The following NCALD variants were observed in gnomAD, a reference collection of about 807,000 sequenced individuals.
The protein encoded by NCALD is neurocalcin-delta.
Under a neutral mutation model 18.6 loss-of-function variants are expected in NCALD, and 10 were observed. That is an observed-to-expected ratio of 0.54 (90% confidence interval 0.33 to 0.91). NCALD has a LOEUF of 0.91. Ranked by LOEUF, NCALD falls within the 40% of genes least tolerant of loss-of-function variation. The pLI, the probability that NCALD is intolerant of heterozygous loss-of-function variation, is 0.03. For missense variants in NCALD, 184 were observed against 247.6 expected (o/e 0.74, Z 1.72); for synonymous variants, 88 against 87.4 (o/e 1.01, Z -0.04).
At chr8:101,742,540 A>C (rs766036360) in intron 1 of NCALD, among the ~76,000 whole-genome samples, 12 of 152,266 alleles carry the variant, frequency 7.9e-5, no homozygotes, top group Non-Finnish European at 1.6e-4. Context: ...ACATAGAAGC[A>C]CAGTAAAATA....
intron 3 of NCALD, among the ~76,000 whole-genome samples, chr8:101,898,370 C>G (rs1283555410): frequency 6.6e-6 from 1 of 152,082 alleles, no homozygotes; most frequent in African/African-American, 2.4e-5. Context: ...CCCATTCCCT[C>G]ATTGGATTTT....
intron 1 of NCALD, among the ~76,000 whole-genome samples, chr8:102,075,203 A>G (rs1050604017): frequency 2.0e-5 from 3 of 152,232 alleles, no homozygotes; most frequent in South Asian, 2.1e-4. Flanking sequence ...CAAGTAGACA[A>G]CTCACAGCAA....
At chr8:101,957,625 G>T (rs1391632330) in intron 2 of NCALD, among the ~76,000 whole-genome samples, 1 of 152,114 alleles carries the variant, frequency 6.6e-6, no homozygotes, top group Non-Finnish European at 1.5e-5. Context: ...GACACAAAGT[G>T]AACAGAGCAC....
At chr8:101,691,482 C>T in intron 3 of NCALD, 8 of 985,302 alleles carry the variant, frequency 8.1e-6, no homozygotes, top group Admixed American at 6.2e-5. Context: ...TGATCTTCTC[C>T]CATCCTTCAG....
chr8:101,933,076 T>C (rs513456), intron 2 of NCALD, among the ~76,000 whole-genome samples: 36,809 of 152,068 alleles, frequency 0.24, 5,686 homozygotes, highest in African/African-American at 0.44. Context: ...TTGCTAAAAG[T>C]AGTTTGCTTG....
chr8:101,718,684 C>G (rs994136200), intron 2 of NCALD, among the ~76,000 whole-genome samples: 5 of 152,236 alleles, frequency 3.3e-5, no homozygotes, highest in African/African-American at 9.6e-5. Flanking sequence ...CCCCAATCAT[C>G]TGAATGAACC....
intron 2 of NCALD, among the ~76,000 whole-genome samples, chr8:101,971,568 C>T (rs755367192): frequency 1.9e-4 from 29 of 152,068 alleles, no homozygotes; most frequent in Admixed American, 1.0e-3. Context: ...CATCTTCCAC[C>T]ATGACTGGAA....
chr8:101,872,458 T>C (rs1332273083), intron 4 of NCALD: 1 of 933,696 alleles, frequency 1.1e-6, no homozygotes, highest in East Asian at 2.4e-5. Context: ...TTCTGCCTTC[T>C]CTTCTGATTC....
intron 1 of NCALD, among the ~76,000 whole-genome samples, chr8:102,080,974 C>G (rs1824509078): frequency 6.6e-6 from 1 of 152,088 alleles, no homozygotes; most frequent in Non-Finnish European, 1.5e-5. Flanking sequence ...GGTTTTTTCC[C>G]CCAAAGTGTG....
chr8:102,028,524 C>T (rs1044850002), intron 1 of NCALD, among the ~76,000 whole-genome samples: 1 of 152,210 alleles, frequency 6.6e-6, no homozygotes, highest in East Asian at 1.9e-4. Context: ...GTTTATCAAA[C>T]CCTTGGGGAA....
intron 1 of NCALD, among the ~76,000 whole-genome samples, chr8:102,114,590 G>C (rs375030555): frequency 6.6e-6 from 1 of 152,238 alleles, no homozygotes; most frequent in African/African-American, 2.4e-5. Flanking sequence ...GATATGGAGA[G>C]GATAGCTGCA....
chr8:101,890,520 C>T (rs1816833599), intron 3 of NCALD, among the ~76,000 whole-genome samples: 1 of 152,092 alleles, frequency 6.6e-6, no homozygotes, highest in Admixed American at 6.6e-5. Context: ...GTGATTAAGT[C>T]ATGAGGGCTC....
chr8:101,768,322 G>A (rs868151016), intron 1 of NCALD, among the ~76,000 whole-genome samples: 25 of 152,182 alleles, frequency 1.6e-4, no homozygotes, highest in African/African-American at 6.0e-4. Context: ...CTGCAGGATG[G>A]CATGGTCACA....
At chr8:101,800,415 A>G (rs1028145759) in intron 4 of NCALD, among the ~76,000 whole-genome samples, 1 of 152,102 alleles carries the variant, frequency 6.6e-6, no homozygotes, top group Non-Finnish European at 1.5e-5. Flanking sequence ...AAGCTAATAG[A>G]GGAGAAAAAA....
rs1252560847 is a variant in NCALD at position 101,977,533 on chromosome 8, G to A, written c.-157+42704C>T. 3.9e-5 allele frequency among the ~76,000 whole-genome samples: 6 copies of A among 152,198 alleles called. 1 individual carries two copies. The highest frequency in any genetic ancestry group is 8.8e-5 in the Non-Finnish European group (6 of 68,030). On this transcript the variant is annotated intron_variant, in intron 2 of 6. Coordinates refer to the NCALD transcript ENST00000311028. ...TTCAAATTAGCTGAATGTTCAAGCA[G>A]CAAACTTGTTATTAACATGGGGCTT...
chr8:101,904,133 A>G (rs1179192849), intron 3 of NCALD, among the ~76,000 whole-genome samples: 1 of 152,178 alleles, frequency 6.6e-6, no homozygotes, highest in Non-Finnish European at 1.5e-5. Flanking sequence ...TGAGTAATTC[A>G]GCTATGCTGT....
At chr8:101,697,219 C>T (rs1490095380) in intron 2 of NCALD, among the ~76,000 whole-genome samples, 5 of 152,060 alleles carry the variant, frequency 3.3e-5, no homozygotes, top group Non-Finnish European at 7.4e-5. Flanking sequence ...TTCCTGGACA[C>T]ATACACCCTC....
At chr8:101,970,374 T>C (rs1371566151) in intron 2 of NCALD, among the ~76,000 whole-genome samples, 3 of 152,152 alleles carry the variant, frequency 2.0e-5, no homozygotes, top group Non-Finnish European at 4.4e-5. Context: ...AATAGTGCTA[T>C]AATAACAAAA....
At chr8:101,827,913 G>T (rs558750101) in intron 4 of NCALD, among the ~76,000 whole-genome samples, 2 of 152,272 alleles carry the variant, frequency 1.3e-5, no homozygotes, top group Admixed American at 6.5e-5. Context: ...CAAAATGGAC[G>T]TGGTTCATTT....
Sources: allele counts gnomAD v4.1 joint callset (sites outside exome capture counted in the v4.1 genomes callset), GRCh38; gene constraint gnomAD v4.1.1; transcripts MANE v1.5; gene names NCBI Gene and HGNC (gene_info 2026-07-23, HGNC 2026-07-21).